The following SDK1 variants were observed in gnomAD, a reference collection of about 807,000 sequenced individuals.
SDK1 encodes the protein protein sidekick-1.
Under a neutral mutation model 245.5 loss-of-function variants are expected in SDK1, and 157 were observed. The observed-to-expected ratio is 0.64, with a 90% CI of 0.56 to 0.73. The LOEUF (loss-of-function observed/expected upper bound fraction) is 0.73, where lower values mean the gene tolerates loss of function less well. Ranked by LOEUF, SDK1 falls within the 30% of genes least tolerant of loss-of-function variation. SDK1 has a pLI of 0.00. For missense variants in SDK1, 3,583 were observed against 3,002.3 expected (o/e 1.19, Z -4.52); for synonymous variants, 1,647 against 1,278.5 (o/e 1.29, Z -6.15).
At chr7:3,870,671 T>C (rs1270105828) in intron 5 of SDK1, among the ~76,000 whole-genome samples, 1 of 152,240 alleles carries the variant, frequency 6.6e-6, no homozygotes, top group East Asian at 1.9e-4. Context: ...CAGTTTCCTG[T>C]AACATTAACT....
rs557624299 is a variant in SDK1, at chr7:3,361,793, C to G, written c.298+59909C>G. On this transcript the variant is annotated intron_variant, in intron 1 of 44. Coordinates refer to ENST00000404826, the MANE Select transcript of SDK1 (RefSeq NM_152744.4). ...TGCACAGTATTGGTGCGTTTCTATT[C>G]TCAATCAATCAAGAATAACCGGTGA... Among the ~76,000 whole-genome samples the G allele has an allele frequency of 3.9e-5, 6 of 152,236 alleles. No homozygotes were observed. The South Asian group carries it at 6.2e-4, about 16-fold the overall frequency.
At chr7:3,983,181 C>T (rs544109893) in intron 13 of SDK1, among the ~76,000 whole-genome samples, 1 of 152,212 alleles carries the variant, frequency 6.6e-6, no homozygotes, top group East Asian at 1.9e-4. Context: ...TAGAATATTG[C>T]ATGAACTTAG....
chr7:3,779,199 T>C (rs1054221508), intron 4 of SDK1, among the ~76,000 whole-genome samples: 11 of 152,148 alleles, frequency 7.2e-5, no homozygotes, highest in African/African-American at 2.7e-4. Context: ...GTCCAAGAAA[T>C]TGTGAATAAA....
At chr7:3,647,660 C>T (rs1282344557) in intron 4 of SDK1, among the ~76,000 whole-genome samples, 2 of 152,046 alleles carry the variant, frequency 1.3e-5, no homozygotes, top group Non-Finnish European at 2.9e-5. Flanking sequence ...GAACTCCTGA[C>T]TTCAGGCAAT....
At chr7:3,925,799 C>T (rs558383414) in intron 5 of SDK1, among the ~76,000 whole-genome samples, 1 of 152,312 alleles carries the variant, frequency 6.6e-6, no homozygotes, top group East Asian at 1.9e-4. Flanking sequence ...TGAGAAGACA[C>T]CCACGCAGCC....
intron 38 of SDK1, among the ~76,000 whole-genome samples, chr7:4,219,716 C>G (rs1245472255): frequency 6.6e-6 from 1 of 152,086 alleles, no homozygotes; most frequent in African/African-American, 2.4e-5. Context: ...ACAAGTGACA[C>G]CAGACTTTGC....
chr7:3,425,167 A>C (rs1054513132), intron 1 of SDK1, among the ~76,000 whole-genome samples: 9 of 151,914 alleles, frequency 5.9e-5, no homozygotes, highest in African/African-American at 2.2e-4. Flanking sequence ...ACAAAACTGA[A>C]AATTACCTTC....
chr7:3,874,582 G>A (rs1192087844), intron 5 of SDK1, among the ~76,000 whole-genome samples: 2 of 152,092 alleles, frequency 1.3e-5, no homozygotes, highest in East Asian at 3.9e-4. Flanking sequence ...CCCTTCCAGG[G>A]GTAGAACTCC....
chr7:3,913,200 C>T (rs1044248000), intron 5 of SDK1, among the ~76,000 whole-genome samples: 3 of 152,076 alleles, frequency 2.0e-5, no homozygotes, highest in Non-Finnish European at 2.9e-5. Flanking sequence ...TCCTGGCTCG[C>T]GCTAAGCGTA....
At chr7:3,332,064 G>T (rs1231694816) in intron 1 of SDK1, among the ~76,000 whole-genome samples, 2 of 152,016 alleles carry the variant, frequency 1.3e-5, no homozygotes, top group Non-Finnish European at 2.9e-5. Flanking sequence ...TGTTGAATCT[G>T]TTTCAGGTTA....
At chr7:3,346,560 C>G in intron 1 of SDK1, among the ~76,000 whole-genome samples, 1 of 151,130 alleles carries the variant, frequency 6.6e-6, no homozygotes, top group Non-Finnish European at 1.5e-5. Context: ...GTCACCCAGG[C>G]TGGAGCTCAG....
intron 1 of SDK1, among the ~76,000 whole-genome samples, chr7:3,438,645 T>G (rs972891785): frequency 6.6e-6 from 1 of 152,154 alleles, no homozygotes; most frequent in Non-Finnish European, 1.5e-5. Flanking sequence ...TCTGGGGCTG[T>G]CACTTAGTTG....
At chr7:4,054,254 T>C (rs1001753666) in intron 19 of SDK1, among the ~76,000 whole-genome samples, 3 of 152,204 alleles carry the variant, frequency 2.0e-5, no homozygotes, top group African/African-American at 7.2e-5. Flanking sequence ...TTAACTGAAA[T>C]TTTTATTGAG....
chr7:3,569,639 G>C (rs190670276), intron 1 of SDK1, among the ~76,000 whole-genome samples: 2 of 152,312 alleles, frequency 1.3e-5, no homozygotes, highest in East Asian at 3.9e-4. Context: ...ATCTACAGAA[G>C]TGCTCACAAG....
At chr7:3,531,615 A>G (rs1217452717) in intron 1 of SDK1, among the ~76,000 whole-genome samples, 1 of 152,150 alleles carries the variant, frequency 6.6e-6, no homozygotes, top group Non-Finnish European at 1.5e-5. Context: ...GATACAATGT[A>G]TTCATTATTT....
At chr7:3,364,383 G>A (rs973431339) in intron 1 of SDK1, among the ~76,000 whole-genome samples, 16 of 152,208 alleles carry the variant, frequency 1.1e-4, no homozygotes, top group East Asian at 1.9e-4. Flanking sequence ...AAATTTTCTC[G>A]TGTGTTGGTT....
intron 14 of SDK1, among the ~76,000 whole-genome samples, chr7:3,998,202 G>T (rs73296687): frequency 0.16 from 23,677 of 152,144 alleles, 1,916 homozygotes; most frequent in Non-Finnish European, 0.19. Context: ...GGGAGCTCCC[G>T]CCCCAACTCG....
chr7:3,909,227 C>T (rs952668972), intron 5 of SDK1, among the ~76,000 whole-genome samples: 13 of 152,302 alleles, frequency 8.5e-5, no homozygotes, highest in African/African-American at 3.1e-4. Context: ...TTTTCCATTA[C>T]GGAGTTCTGC....
rs1163275778 is a variant in SDK1, at chr7:3,346,827, A to ATTTTTTTTT, written c.298+44959_298+44967dup. ...TGTGTGTATATATATATATATATAT[A>ATTTTTTTTT]TTTTTTTTTTTTTTTTTTTTTTTTG... On this transcript the variant is annotated intron_variant, in intron 1 of 44. Coordinates refer to ENST00000404826, the MANE Select transcript of SDK1 (RefSeq NM_152744.4). Among the ~76,000 whole-genome samples the ATTTTTTTTT allele has an allele frequency of 3.1e-3, 51 of 16,376 alleles. 7 individuals carry two copies. The highest frequency in any genetic ancestry group is 6.6e-3 in the East Asian group (3 of 456). 10.7% of individuals were successfully genotyped at this position (16,376 alleles called of 152,430 possible).
Sources: allele counts gnomAD v4.1 joint callset (sites outside exome capture counted in the v4.1 genomes callset), GRCh38; gene constraint gnomAD v4.1.1; transcripts MANE v1.5; gene names NCBI Gene and HGNC (gene_info 2026-07-23, HGNC 2026-07-21).